The following GATAD2B variants were observed in gnomAD, a reference collection of about 807,000 sequenced individuals.
GATAD2B encodes transcriptional repressor p66-beta.
GATAD2B carries 8 observed loss-of-function variants against 64.3 expected under a neutral mutation model. The ratio of observed to expected loss-of-function variants is 0.12; its 90% CI spans 0.07 to 0.22. GATAD2B has a LOEUF of 0.22. Among genes scored for constraint, GATAD2B ranks in the 10% least tolerant of loss-of-function variants. GATAD2B has a pLI of 1.00. For synonymous variants in GATAD2B, 281 were observed against 271.3 expected (o/e 1.04, Z -0.35); for missense variants, 453 against 752.0 (o/e 0.60, Z 4.65).
At chr1:153,880,912 T>G (rs114424888) in intron 1 of GATAD2B, among the ~76,000 whole-genome samples, 3 of 152,090 alleles carry the variant, frequency 2.0e-5, no homozygotes, top group Non-Finnish European at 4.4e-5. Flanking sequence ...CAATAACACT[T>G]GCACACAGAA....
At chr1:153,909,022 G>A (rs1280975339) in intron 1 of GATAD2B, among the ~76,000 whole-genome samples, 7 of 151,802 alleles carry the variant, frequency 4.6e-5, no homozygotes, top group South Asian at 2.1e-4. Flanking sequence ...ACAACACAGC[G>A]AGATTCCCAT....
chr1:153,834,525 A>T (rs1675201200), intron 1 of GATAD2B, among the ~76,000 whole-genome samples: 1 of 152,006 alleles, frequency 6.6e-6, no homozygotes. Context: ...AGTAGCTGGG[A>T]TTACAGGCAT....
chr1:153,894,507 T>C (rs546627828), intron 1 of GATAD2B, among the ~76,000 whole-genome samples: 52 of 152,034 alleles, frequency 3.4e-4, no homozygotes, highest in South Asian at 3.1e-3. Context: ...TATATCTCTA[T>C]CTGGGTGGTC....
chr1:153,915,555 C>CCTT (rs1275136391), intron 1 of GATAD2B, among the ~76,000 whole-genome samples: 1 of 151,772 alleles, frequency 6.6e-6, no homozygotes, highest in Non-Finnish European at 1.5e-5. Flanking sequence ...TCAGAAGCTA[C>CCTT]CTGTAATTAA....
At chr1:153,846,931 G>T (rs777816319) in intron 1 of GATAD2B, among the ~76,000 whole-genome samples, 1 of 151,858 alleles carries the variant, frequency 6.6e-6, no homozygotes. Context: ...TAGTTCCAAC[G>T]AATTAGTCAT....
rs1241234358 is a variant in GATAD2B, at chr1:153,817,491, T to G, written c.781A>C (p.Met261Leu). 1 of 1,612,614 alleles carries G rather than the reference T, an allele frequency of 6.2e-7. No homozygotes were observed. The highest frequency in any genetic ancestry group is 1.1e-5 in the South Asian group (1 of 90,808). ...ATNTTLPHML[M>L]SQRVIAPNPA... ...TTTGGTGCAATAACACGTTGAGACA[T>G]CAACATGTGTGGAAGGGTGGTATTG... Residue 261 changes from methionine to leucine, a missense_variant, in exon 6 of 11, where the codon ATG (methionine) becomes CTG (leucine). Physicochemically the swap from Met to Leu is conservative, Grantham distance 15. Coordinates refer to ENST00000368655, the MANE Select transcript of GATAD2B (RefSeq NM_020699.4).
chr1:153,811,948 A>G (rs888065478), intron 9 of GATAD2B, 74 bp downstream of exon 9: 159 of 1,290,502 alleles, frequency 1.2e-4, no homozygotes, highest in Non-Finnish European at 1.7e-4. Flanking sequence ...ATTTCCCACA[A>G]TAGAAAGGAC....
At chr1:153,874,780 T>C (rs1489461631) in intron 1 of GATAD2B, among the ~76,000 whole-genome samples, 4 of 151,932 alleles carry the variant, frequency 2.6e-5, no homozygotes, top group African/African-American at 9.7e-5. Context: ...TTTCATCATA[T>C]TGCTCAGACT....
rs1258461987 is a variant in GATAD2B at position 153,907,382 on chromosome 1, T to A, written c.-2+15351A>T. ...GGATAAATCATGAAGATATTTTCAG[T>A]GTAATAAGCCAGACACAAAAGGACA... is the stretch of plus-strand genomic sequence containing the variant. On this transcript the variant is annotated intron_variant, in intron 1 of 10. Transcript: ENST00000368655. 2.6e-5 allele frequency among the ~76,000 whole-genome samples: 4 copies of A among 152,206 alleles called. No individual in the cohort carries two copies. The East Asian group carries it at 7.7e-4, about 29-fold the overall frequency.
chr1:153,818,656 C>CACT (rs1674569160), intron 4 of GATAD2B, 135 bp downstream of exon 4: 1 of 709,624 alleles, frequency 1.4e-6, no homozygotes, highest in South Asian at 2.1e-5. Flanking sequence ...AAAAAAAAAT[C>CACT]ACTACTACTA....
intron 1 of GATAD2B, among the ~76,000 whole-genome samples, chr1:153,873,424 G>A (rs968323990): frequency 1.3e-5 from 2 of 152,148 alleles, no homozygotes; most frequent in African/African-American, 4.8e-5. Context: ...AGACCTTTAG[G>A]AAGTGCTTGA....
At chr1:153,902,804 G>A (rs1197341231) in intron 1 of GATAD2B, among the ~76,000 whole-genome samples, 2 of 152,056 alleles carry the variant, frequency 1.3e-5, no homozygotes, top group Non-Finnish European at 2.9e-5. Flanking sequence ...GCATCTTCTT[G>A]TAATTTATCT....
chr1:153,852,298 T>A (rs1235833755), intron 1 of GATAD2B: 1 of 1,104,770 alleles, frequency 9.1e-7, no homozygotes, highest in Non-Finnish European at 1.4e-6. Flanking sequence ...TTGCTAGAAG[T>A]GGAGGCTGTC....
intron 1 of GATAD2B, among the ~76,000 whole-genome samples, chr1:153,898,526 G>A (rs994647803): frequency 4.6e-5 from 7 of 151,678 alleles, no homozygotes; most frequent in African/African-American, 7.3e-5. Context: ...AGAAGTTGGA[G>A]ACCAGCCTGG....
intron 1 of GATAD2B, among the ~76,000 whole-genome samples, chr1:153,830,510 C>G (rs1675042664): frequency 7.3e-6 from 1 of 137,046 alleles, no homozygotes; most frequent in African/African-American, 2.7e-5. Flanking sequence ...GAGTCTCGCT[C>G]TGTCGCCCAG....
intron 1 of GATAD2B, among the ~76,000 whole-genome samples, chr1:153,912,785 C>A (rs4845584): frequency 0.055 from 8,373 of 152,148 alleles, 372 homozygotes; most frequent in South Asian, 0.17. Flanking sequence ...ATTCAGATAA[C>A]CTTTACGCCT....
chr1:153,870,368 G>A (rs945118714), intron 1 of GATAD2B, among the ~76,000 whole-genome samples: 9 of 152,222 alleles, frequency 5.9e-5, no homozygotes, highest in African/African-American at 1.4e-4. Flanking sequence ...TCAGGAGATC[G>A]AAACCATCCT....
intron 1 of GATAD2B, among the ~76,000 whole-genome samples, chr1:153,860,856 T>G (rs1676255730): frequency 6.6e-6 from 1 of 152,142 alleles, no homozygotes; most frequent in Non-Finnish European, 1.5e-5. Flanking sequence ...CTTGCTATGT[T>G]GCTGAGGCTG....
chr1:153,850,091 G>A (rs939213155), intron 1 of GATAD2B, among the ~76,000 whole-genome samples: 4 of 151,976 alleles, frequency 2.6e-5, no homozygotes, highest in African/African-American at 9.7e-5. Context: ...CAATCAAGTG[G>A]GTTATTCAGT....
Sources: allele counts gnomAD v4.1 joint callset (sites outside exome capture counted in the v4.1 genomes callset), GRCh38; gene constraint gnomAD v4.1.1; transcripts MANE v1.5; gene names NCBI Gene and HGNC (gene_info 2026-07-23, HGNC 2026-07-21).